MTRR: variants seen among roughly 807,000 people sequenced by gnomAD.
MTRR encodes the protein 5-methyltetrahydrofolate-homocysteine methyltransferase reductase.
A neutral mutation model predicts 79.2 loss-of-function variants in MTRR; 63 were observed. The ratio of observed to expected loss-of-function variants is 0.80; its 90% confidence interval spans 0.65 to 0.98. The LOEUF (loss-of-function observed/expected upper bound fraction) is 0.98. Among genes scored for constraint, MTRR ranks in the 50% least tolerant of loss-of-function variants. MTRR has a pLI of 0.00. For synonymous variants in MTRR, 355 were observed against 313.3 expected (o/e 1.13, Z -1.41); for missense variants, 895 against 839.6 (o/e 1.07, Z -0.82).
At chr5:7,861,307 T>G in intron 1 of MTRR, 1 of 1,124,704 alleles carries the variant, frequency 8.9e-7, no homozygotes, top group Non-Finnish European at 1.3e-6. Flanking sequence ...TTTTAAATAA[T>G]CCAAAATATT....
chr5:7,876,711 A>G (rs1179723838), intron 4 of MTRR, among the ~76,000 whole-genome samples: 5 of 152,176 alleles, frequency 3.3e-5, no homozygotes, highest in African/African-American at 1.2e-4. Flanking sequence ...ATCTTGGTTG[A>G]ATTAGTTAAG....
intron 1 of MTRR, chr5:7,869,952 C>G (rs934836500): frequency 2.4e-6 from 2 of 846,640 alleles, no homozygotes; most frequent in Non-Finnish European, 2.8e-6. Flanking sequence ...CTGGGCGGTT[C>G]ATTCACCGAA....
rs1049300584 is a variant in MTRR at position 7,901,028 on chromosome 5, A to G, written c.*970A>G. The G allele has an allele frequency of 2.0e-5, 3 of 152,114 alleles. No homozygotes were observed. Among genetic ancestry groups the G allele is most frequent in the Non-Finnish European group, 4.4e-5 (3 of 67,988 alleles). 9.4% of individuals were successfully genotyped at this position (152,114 alleles called of 1,614,324 possible). A position where few individuals can be genotyped will look rare whatever the true frequency, so the allele number is the denominator to read the frequency against. On this transcript the variant is annotated 3_prime_UTR_variant, in exon 15 of 15. Coordinates refer to ENST00000440940, the MANE Select transcript of MTRR (RefSeq NM_002454.3). Reference sequence around the variant, plus strand: ...TCTCCACTGTTCTAATATATATTGTATTTTTATTTGATAGCTTGGGATTTA... The same window carrying G: ...TCTCCACTGTTCTAATATATATTGTGTTTTTATTTGATAGCTTGGGATTTA...
chr5:7,876,460 G>A (rs1158006226), intron 4 of MTRR, among the ~76,000 whole-genome samples: 1 of 152,130 alleles, frequency 6.6e-6, no homozygotes, highest in African/African-American at 2.4e-5. Flanking sequence ...CTCTTCAAAG[G>A]CTTTCATTTT....
At position 7,897,083 on chromosome 5, in the gene MTRR, C is replaced by T. The variant is rs1274767779; in HGVS notation, c.1788C>T (p.Phe596=). The T allele has an allele frequency of 6.2e-7, 1 of 1,614,118 alleles. No homozygotes were observed. The highest frequency in any genetic ancestry group is 1.7e-5 in the Admixed American group (1 of 60,028). The part of the protein sequence containing the change: ...DYLFRKELRH[F]LKHGILTHLK... ...ATTTCAGAAAAGAGCTCAGACATTT[C>T]CTTAAGCATGGGATCTTAACTCATC... The change falls in exon 14 of 15, where the codon TTC becomes TTT. Residue 596 remains phenylalanine (F), a synonymous_variant. Coordinates refer to ENST00000440940, the MANE Select transcript of MTRR (RefSeq NM_002454.3).
chr5:7,891,500 T>A, intron 10 of MTRR, 86 bp downstream of exon 10: 2 of 1,172,450 alleles, frequency 1.7e-6, no homozygotes, highest in Admixed American at 3.6e-5. Flanking sequence ...TTTACTAATT[T>A]ATTCAGTGAA....
intron 4 of MTRR, among the ~76,000 whole-genome samples, chr5:7,877,503 CAAAAAA>C (rs11324670): frequency 3.0e-5 from 3 of 100,502 alleles, no homozygotes; most frequent in African/African-American, 7.3e-5. Context: ...ATTGGCTAGG[CAAAAAA>C]AAAAAAAAAA....
chr5:7,881,378 G>T (rs1032078182), intron 5 of MTRR, among the ~76,000 whole-genome samples: 13 of 152,016 alleles, frequency 8.6e-5, no homozygotes, highest in African/African-American at 2.7e-4. Context: ...GATGGGGTGT[G>T]GTAGTGGGGG....
rs1283751633 is a variant in MTRR at position 7,878,330 on chromosome 5, A to G, written c.780+8A>G. 2.5e-6 allele frequency: 4 copies of G among 1,613,962 alleles called. No individual in the cohort carries two copies. The highest frequency in any genetic ancestry group is 1.1e-5 in the South Asian group (1 of 91,072). ...CAGGAGTCTCTTGGCCAGGTAAGGA[A>G]GTTTTTCTTTATGCTATAGATGCTA... On this transcript the variant is annotated splice_region_variant and intron_variant, in intron 5 of 14. Transcript: ENST00000440940.
chr5:7,894,554 TTTC>T (rs1162153826), intron 11 of MTRR, among the ~76,000 whole-genome samples: 1 of 152,208 alleles, frequency 6.6e-6, no homozygotes, highest in African/African-American at 2.4e-5. Flanking sequence ...TACATGTGTT[TTTC>T]TTTTCTGCCA....
At chr5:7,888,978 G>A (rs1737085830) in intron 8 of MTRR, 117 bp from the exon 9 acceptor site, 1 of 1,160,852 alleles carries the variant, frequency 8.6e-7, no homozygotes, top group Non-Finnish European at 1.3e-6. Context: ...AGCTCCTAGT[G>A]GCTTTCTCAT....
intron 3 of MTRR, among the ~76,000 whole-genome samples, chr5:7,874,918 A>G (rs1748616571): frequency 6.6e-6 from 1 of 152,226 alleles, no homozygotes; most frequent in South Asian, 2.1e-4. Context: ...GAAAAAATGT[A>G]CAGATGACAG....
At chr5:7,890,666 ACT>A (rs1185568080) in intron 9 of MTRR, among the ~76,000 whole-genome samples, 1 of 152,098 alleles carries the variant, frequency 6.6e-6, no homozygotes, top group Non-Finnish European at 1.5e-5. Context: ...GATGTTTAAA[ACT>A]CTACGCCATT....
At chr5:7,853,906 T>A (rs1449789370) in intron 1 of MTRR, among the ~76,000 whole-genome samples, 2 of 151,234 alleles carry the variant, frequency 1.3e-5, no homozygotes, top group Non-Finnish European at 2.9e-5. Flanking sequence ...ATGAGGTGAG[T>A]CATAGCCCCA....
intron 7 of MTRR, 29 bp from the exon 8 acceptor site, chr5:7,886,586 G>A: frequency 6.7e-7 from 1 of 1,500,872 alleles, no homozygotes; most frequent in Non-Finnish European, 9.3e-7. Context: ...TCTATGTCAT[G>A]AACCCCTTTC....
chr5:7,890,516 G>A (rs998624807), intron 9 of MTRR: 3 of 596,350 alleles, frequency 5.0e-6, no homozygotes, highest in Non-Finnish European at 2.1e-6. Flanking sequence ...TAGAATGTTT[G>A]TAACAATACC....
At chr5:7,880,604 A>G (rs1170544212) in intron 5 of MTRR, among the ~76,000 whole-genome samples, 4 of 152,256 alleles carry the variant, frequency 2.6e-5, no homozygotes, top group Middle Eastern at 3.4e-3. Context: ...CTTTTTAAGG[A>G]TGTCATTTCT....
intron 1 of MTRR, chr5:7,869,984 T>G: frequency 5.1e-6 from 5 of 983,660 alleles, no homozygotes; most frequent in Non-Finnish European, 6.0e-6. Flanking sequence ...TGGTTTGGGT[T>G]TCAGTTTAAA....
chr5:7,867,518 T>G, upstream of MTRR: 1 of 1,614,264 alleles, frequency 6.2e-7, no homozygotes, highest in Non-Finnish European at 8.5e-7. Flanking sequence ...AGGATCCACA[T>G]GCAACAGAAT....
Sources: gnomAD v4.1 joint callset for allele counts (sites outside exome capture counted in the v4.1 genomes callset) on GRCh38, gnomAD v4.1.1 for gene constraint, MANE v1.5 for transcripts, NCBI Gene and HGNC (gene_info 2026-07-23, HGNC 2026-07-21) for gene names.